ITGAD: variants seen among roughly 807,000 people sequenced by gnomAD.
ITGAD encodes integrin alpha-D.
ITGAD carries 105 observed loss-of-function variants against 139.0 expected under a neutral mutation model. The observed-to-expected ratio is 0.76, with a 90% CI of 0.65 to 0.89. The LOEUF (loss-of-function observed/expected upper bound fraction) is 0.89, where lower values mean the gene tolerates loss of function less well. Among genes scored for constraint, ITGAD ranks in the 40% least tolerant of loss-of-function variants. The probability of loss-of-function intolerance (pLI) is 0.00; values close to 1 mark genes in which losing one functional copy is unlikely to be tolerated. For missense variants in ITGAD, 1,384 were observed against 1,487.3 expected, an observed-to-expected ratio of 0.93 and a Z score of 1.14; for synonymous variants, 569 against 598.3, an observed-to-expected ratio of 0.95 and a Z score of 0.71.
In ITGAD at chr16:31,424,038, C is replaced by T. The variant is rs1243288664; in HGVS notation, c.3160-64C>T. 7.5e-6 allele frequency: 12 copies of T among 1,605,950 alleles called. No homozygotes were observed. In the Admixed American group the frequency reaches 1.0e-4, roughly 13 times the overall value. ...GTCTGTGCCCATCTGCAAGCCAGGG[C>T]ACCCCCGAAGCTCTGAGCCTCCCCC... On this transcript the variant is annotated intron_variant, in intron 27 of 29. Coordinates refer to ENST00000389202, the MANE Select transcript of ITGAD (RefSeq NM_005353.3).
rs144411211 is a variant in ITGAD, at chr16:31,425,303, T to C, written c.3373-712T>C. Among the ~76,000 whole-genome samples the C allele has an allele frequency of 8.6e-3, 1,309 of 152,256 alleles. 21 individuals carry two copies. Among genetic ancestry groups the C allele is most frequent in the African/African-American group, 0.03 (1,247 of 41,526 alleles). ...TCAGATTGGTCTCAAACTCCTGACC[T>C]CATGTGATCCGCCCACCTCGGCCTC... On this transcript the variant is annotated intron_variant, in intron 29 of 29. Coordinates refer to ENST00000389202, the MANE Select transcript of ITGAD (RefSeq NM_005353.3).
chr16:31,394,280 A>G lies in ITGAD; in HGVS notation c.76A>G (p.Thr26Ala), dbSNP rs774900538. The G allele has an allele frequency of 3.7e-6, 6 of 1,613,860 alleles. No individual in the cohort carries two copies. The highest frequency in any genetic ancestry group is 5.1e-6 in the Non-Finnish European group (6 of 1,179,908). Reference protein sequence around the residue: ...HGFNLDVEEPTIFQEDAGGFG... With the variant: ...HGFNLDVEEPAIFQEDAGGFG... ...ATTCAACCTGGATGTGGAGGAGCCT[A>G]CGATCTTCCAGGAGGATGCAGGCGG... The change falls in exon 2 of 30, where the codon ACG (threonine) becomes GCG (alanine). Residue 26 changes from threonine to alanine, a missense_variant. Physicochemically the swap from Thr to Ala is moderately conservative, Grantham distance 58. Transcript: ENST00000389202.
intron 9 of ITGAD, among the ~76,000 whole-genome samples, 189 bp from the exon 10 acceptor site, chr16:31,408,235 GT>G (rs1464676072): frequency 6.6e-6 from 1 of 152,154 alleles, no homozygotes; most frequent in Non-Finnish European, 1.5e-5. Flanking sequence ...GCTTCTCAAA[GT>G]GCTGGGATTA....
chr16:31,424,276 G>C, intron 28 of ITGAD, 73 bp downstream of exon 28: 1 of 1,578,182 alleles, frequency 6.3e-7, no homozygotes, highest in Non-Finnish European at 8.7e-7. Context: ...TGCTGGGTGG[G>C]GGGTTTGCAA....
In ITGAD at chr16:31,408,449, C is replaced by A. The variant is rs1263059379; in HGVS notation, c.1034C>A (p.Ser345Tyr). 6.2e-7 allele frequency: 1 copy of A among 1,614,094 alleles called. No homozygotes were observed. Among genetic ancestry groups the A allele is most frequent in the Non-Finnish European group, 8.5e-7 (1 of 1,179,996 alleles). Reference sequence around the variant, plus strand: ...GGAACCCAGTCCAGGGCAAGCAGCTCCTTCCAGCACGAGATGTCCCAAGAA... The same window carrying A: ...GGAACCCAGTCCAGGGCAAGCAGCTACTTCCAGCACGAGATGTCCCAAGAA... Reference protein sequence around the residue: ...VEGTQSRASSSFQHEMSQEGF... With the variant: ...VEGTQSRASSYFQHEMSQEGF... Residue 345 changes from serine to tyrosine, a missense_variant, in exon 10 of 30, where the codon TCC becomes TAC. Physicochemically the swap from Ser to Tyr is moderately radical, Grantham distance 144. Coordinates refer to ENST00000389202, the MANE Select transcript of ITGAD (RefSeq NM_005353.3).
intron 20 of ITGAD, among the ~76,000 whole-genome samples, chr16:31,417,210 A>ATATTTATTTATTTATTTATT (rs201764894): frequency 1.6e-5 from 2 of 122,826 alleles, no homozygotes; most frequent in South Asian, 3.0e-4. Context: ...CGCCCAGCTA[A>ATATTTATTTATTTATTTATT]TATTTATTTA....
At position 31,414,533 on chromosome 16, in the gene ITGAD, G is replaced by A. The variant is rs146786897; in HGVS notation, c.2079G>A (p.Lys693=). 1.2e-6 allele frequency: 2 copies of A among 1,614,072 alleles called. No individual in the cohort carries two copies. The highest frequency in any genetic ancestry group is 2.7e-5 in the African/African-American group (2 of 74,918). ...LTSRAIFNET[K]NPTLTRRKTL... Reference sequence around the variant, plus strand: ...CTCGTGCCATTTTCAATGAAACCAAGAACCCCACTTTGACTCGAAGAAAAA... The same window carrying A: ...CTCGTGCCATTTTCAATGAAACCAAAAACCCCACTTTGACTCGAAGAAAAA... The change falls in exon 17 of 30, where the codon AAG becomes AAA. Residue 693 remains lysine, a synonymous_variant. Transcript: ENST00000389202.
At chr16:31,421,385 A>G (rs78411008) in intron 23 of ITGAD, among the ~76,000 whole-genome samples, 128 of 151,606 alleles carry the variant, frequency 8.4e-4, no homozygotes, top group Non-Finnish European at 1.5e-3. Flanking sequence ...CTGGGATTAC[A>G]GGCATGAGTG....
chr16:31,414,937 C>G lies in ITGAD; in HGVS notation c.2229C>G (p.Pro743=), dbSNP rs377591683. 35 of 1,614,016 alleles carry G rather than the reference C, an allele frequency of 2.2e-5. No homozygotes were observed. The highest frequency in any genetic ancestry group is 8.3e-5 in the Admixed American group (5 of 59,994). The change falls in exon 18 of 30, where the codon CCC becomes CCG. Residue 743 remains proline, a synonymous_variant. Coordinates refer to ENST00000389202, the MANE Select transcript of ITGAD (RefSeq NM_005353.3). ...TGGTGAGAGAGCCCATCCCCTCCCCCCAGAACCTGCGTCCTGTGCTGGCCG... is the reference window on the plus strand; with the variant it reads ...TGGTGAGAGAGCCCATCCCCTCCCCGCAGAACCTGCGTCCTGTGCTGGCCG... ...FSLVREPIPS[P]QNLRPVLAVG... is the part of the protein sequence containing the mutation.
chr16:31,424,010 C>T (rs1280059134), intron 27 of ITGAD, 52 bp downstream of exon 27: 37 of 1,607,856 alleles, frequency 2.3e-5, no homozygotes, highest in Non-Finnish European at 3.1e-5. Flanking sequence ...CAGGACCTGG[C>T]ATGTCTGTGC....
At chr16:31,397,483 TG>T (rs2081295088) in intron 3 of ITGAD, 21 bp downstream of exon 3, 1 of 1,583,114 alleles carries the variant, frequency 6.3e-7, no homozygotes, top group African/African-American at 1.3e-5. Flanking sequence ...ACCTGGGAAT[TG>T]GGCCCCTCAA....
chr16:31,421,482 G>T (rs940339377), intron 23 of ITGAD, among the ~76,000 whole-genome samples: 2 of 150,952 alleles, frequency 1.3e-5, no homozygotes, highest in Admixed American at 6.6e-5. Context: ...AATTAAAAAT[G>T]AAAATAAAAT....
chr16:31,421,590 C>T (rs1424503624), intron 23 of ITGAD, among the ~76,000 whole-genome samples: 1 of 151,866 alleles, frequency 6.6e-6, no homozygotes, highest in Non-Finnish European at 1.5e-5. Context: ...CAGAGGAAAA[C>T]CGGCATACTT....
intron 28 of ITGAD, 131 bp from the exon 29 acceptor site, chr16:31,424,336 G>A: frequency 7.9e-7 from 1 of 1,265,886 alleles, no homozygotes; most frequent in Middle Eastern, 1.9e-4. Context: ...CTGTCCCTAA[G>A]GGCACGGGTG....
At chr16:31,399,361 T>A (rs1185701215) in intron 5 of ITGAD, among the ~76,000 whole-genome samples, 1 of 152,190 alleles carries the variant, frequency 6.6e-6, no homozygotes, top group African/African-American at 2.4e-5. Context: ...ATGCTGGGAC[T>A]GGGAGGAAGA....
At chr16:31,407,415 G>A in intron 7 of ITGAD, 100 bp from the exon 8 acceptor site, 1 of 1,148,214 alleles carries the variant, frequency 8.7e-7, no homozygotes, top group East Asian at 2.4e-5. Context: ...ATGTGAGGGT[G>A]CCAGGACTCC....
At chr16:31,407,286 G>C (rs993583296) in intron 7 of ITGAD, among the ~76,000 whole-genome samples, 1 of 152,156 alleles carries the variant, frequency 6.6e-6, no homozygotes, top group Non-Finnish European at 1.5e-5. Context: ...CCCGGGAGAC[G>C]GAGGTTGCAG....
Position 31,411,306 on chromosome 16 carries a change from A to G in ITGAD, c.1498-2A>G, listed in dbSNP as rs770083167. The G allele has an allele frequency of 6.2e-7, 1 of 1,611,178 alleles. No individual in the cohort carries two copies. Among genetic ancestry groups the G allele is most frequent in the Non-Finnish European group, 8.5e-7 (1 of 1,177,962 alleles). On this transcript the variant is annotated splice_acceptor_variant, in intron 13 of 29. Coordinates refer to ENST00000389202, the MANE Select transcript of ITGAD (RefSeq NM_005353.3). LOFTEE classifies it high-confidence loss of function. ...GGGTCTGACACTGCTTGTGTTCAGC[A>G]GAGGGTGCAGTGGCAGTGTGACGCT...
At position 31,413,123 on chromosome 16, in the gene ITGAD, A is replaced by C. The variant is rs1004157914; in HGVS notation, c.1873A>C (p.Arg625=). 5.6e-6 allele frequency: 9 copies of C among 1,613,976 alleles called. No homozygotes were observed. Among genetic ancestry groups the C allele is most frequent in the Non-Finnish European group, 7.6e-6 (9 of 1,180,012 alleles). Reference sequence around the variant, plus strand: ...GGTGCTGAAAGTGGGGGTGGCCATGAGATTCAGCCCTGTGGAGGTGGCCAA... The same window carrying C: ...GGTGCTGAAAGTGGGGGTGGCCATGCGATTCAGCCCTGTGGAGGTGGCCAA... The part of the protein sequence containing the change: ...LPVLKVGVAM[R]FSPVEVAKAV... The change falls in exon 16 of 30, where the codon AGA becomes CGA. Residue 625 remains arginine, a synonymous_variant. Transcript: ENST00000389202.
Sources: gnomAD v4.1 joint callset for allele counts (sites outside exome capture counted in the v4.1 genomes callset) on GRCh38, gnomAD v4.1.1 for gene constraint, MANE v1.5 for transcripts, NCBI Gene and HGNC (gene_info 2026-07-23, HGNC 2026-07-21) for gene names.